EIF1AY: variants seen among roughly 807,000 people sequenced by gnomAD.
EIF1AY encodes the protein eukaryotic translation initiation factor 1A Y-linked.
For missense variants in EIF1AY, 19 were observed against 30.6 expected, an observed-to-expected ratio of 0.62 and a Z score of 0.89; for synonymous variants, 16 against 9.9, an observed-to-expected ratio of 1.62 and a Z score of -1.16.
At chrY:20,585,133 T>C in intron 4 of EIF1AY, among the ~76,000 whole-genome samples, 2 of 33,561 alleles carry the variant, frequency 6.0e-5, no homozygotes, top group Admixed American at 5.5e-4. Context: ...GGAGACTCAT[T>C]TACCTAATAT....
At chrY:20,591,890 G>A in intron 6 of EIF1AY, among the ~76,000 whole-genome samples, 1 of 33,646 alleles carries the variant, frequency 3.0e-5, no homozygotes, top group African/African-American at 1.2e-4. Context: ...GGGAAGGAAT[G>A]TAAAGACAAT....
chrY:20,576,508 A>G (rs1056432437), intron 1 of EIF1AY, among the ~76,000 whole-genome samples: 1 of 33,909 alleles, frequency 2.9e-5, no homozygotes, highest in Admixed American at 2.6e-4. Flanking sequence ...AGACTTGAAA[A>G]TAAGTTTACT....
chrY:20,592,266 G>A, intron 6 of EIF1AY, 75 bp from the exon 7 acceptor site: 1 of 214,917 alleles, frequency 4.7e-6, no homozygotes, highest in Non-Finnish European at 7.4e-6. Context: ...GTTTACCACT[G>A]GGAGTCTTTA....
intron 1 of EIF1AY, among the ~76,000 whole-genome samples, chrY:20,577,099 T>C: frequency 3.0e-5 from 1 of 33,457 alleles, no homozygotes; most frequent in African/African-American, 1.2e-4. Context: ...AGTGATGAGA[T>C]TCCCAGTTCT....
chrY:20,577,340 TAGAA>T (rs2089347387), intron 1 of EIF1AY, among the ~76,000 whole-genome samples: 3 of 33,382 alleles, frequency 9.0e-5, no homozygotes, highest in Non-Finnish European at 2.2e-4. Context: ...TTTTTGATCT[TAGAA>T]AGGAAACGAG....
intron 1 of EIF1AY, 142 bp from the exon 2 acceptor site, chrY:20,579,466 T>G: frequency 7.9e-6 from 1 of 126,311 alleles, no homozygotes; most frequent in Non-Finnish European, 1.5e-5. Context: ...ATTTATTATG[T>G]GTTTAAATGA....
intron 2 of EIF1AY, among the ~76,000 whole-genome samples, chrY:20,580,857 C>G (rs747412071): frequency 6.5e-4 from 22 of 33,945 alleles, no homozygotes; most frequent in African/African-American, 2.5e-3. Context: ...TAGGTAACCA[C>G]TAACCGCATG....
At position 20,592,898 on chromosome Y, in the gene EIF1AY, G is replaced by A. The variant is rs1315306923; in HGVS notation, c.*552G>A. The A allele has an allele frequency of 3.0e-5, 1 of 33,014 alleles. No individual in the cohort carries two copies. The highest frequency in any genetic ancestry group is 7.4e-5 in the Non-Finnish European group (1 of 13,465). The allele number at this position is 33,014 out of a possible 400,897, so 8.2% of individuals were successfully genotyped here. A position where few individuals can be genotyped will look rare whatever the true frequency, so the allele number is the denominator to read the frequency against. On this transcript the variant is annotated 3_prime_UTR_variant, in exon 7 of 7. Coordinates refer to ENST00000361365, the MANE Select transcript of EIF1AY (RefSeq NM_004681.4). ...AAATCCTTTTCATCCTTTGTGCCTC[G>A]GTTATTAAGGAAAAAAAAATGTCCA... is the stretch of plus-strand genomic sequence containing the variant.
At chrY:20,589,336 A>AT in intron 5 of EIF1AY, 148 bp from the exon 6 acceptor site, 1 of 136,905 alleles carries the variant, frequency 7.3e-6, no homozygotes, top group South Asian at 5.3e-5. Flanking sequence ...TTAATTTTTT[A>AT]TTTTTTTATT....
chrY:20,584,360 A>T, intron 3 of EIF1AY, 114 bp from the exon 4 acceptor site: 2 of 107,614 alleles, frequency 1.9e-5, no homozygotes, highest in Admixed American at 1.6e-4. Flanking sequence ...CATCTAATTA[A>T]TTTTTTTTTT....
chrY:20,588,029 C>A lies in EIF1AY; in HGVS notation c.261C>A (p.Asn87Lys). Reference sequence around the variant, plus strand: ...GTTATTTGTTTATTTCTAAGGATAACAAAGCTGATGTAATTTTAAAGTACA... The same window carrying A: ...GTTATTTGTTTATTTCTAAGGATAAAAAAGCTGATGTAATTTTAAAGTACA... The part of the protein sequence containing the change: ...ILVGLRDYQD[N>K]KADVILKYNA... Residue 87 changes from asparagine (N) to lysine (K), a missense_variant, in exon 5 of 7, where the codon AAC becomes AAA. By Grantham distance (94) the Asn-to-Lys change is moderately conservative (BLOSUM62 0). Transcript: ENST00000361365. The A allele has an allele frequency of 2.6e-6, 1 of 382,693 alleles. No homozygotes were observed. Among genetic ancestry groups the A allele is most frequent in the South Asian group, 3.1e-5 (1 of 32,628 alleles).
chrY:20,579,579 AT>A, intron 1 of EIF1AY, 28 bp from the exon 2 acceptor site: 3 of 293,488 alleles, frequency 1.0e-5, no homozygotes, highest in Non-Finnish European at 1.5e-5. Context: ...TTTTACATTA[AT>A]TTTTTATCTA....
At position 20,580,473 on chromosome Y, in the gene EIF1AY, CA is replaced by C. The variant is rs778317159; in HGVS notation, c.100+792del. On this transcript the variant is annotated intron_variant, in intron 2 of 6. Transcript: ENST00000361365. The stretch of plus-strand genomic sequence containing the variant: ...GATAAACGATGTACAGACTAACATA[CA>C]AAAAAAAAATAAAGTAAATTTATTG... Among the ~76,000 whole-genome samples, 7 of 29,022 alleles carry C rather than the reference CA, an allele frequency of 2.4e-4. No homozygotes were observed. In the East Asian group the frequency reaches 6.1e-3, roughly 25 times the overall value. The allele number at this position is 29,022 out of a possible 37,273, so 77.9% of individuals were successfully genotyped here. A position where few individuals can be genotyped will look rare whatever the true frequency, so the allele number is the denominator to read the frequency against.
intron 6 of EIF1AY, 116 bp downstream of exon 6, chrY:20,589,691 T>G: frequency 1.1e-5 from 2 of 179,819 alleles, no homozygotes; most frequent in Non-Finnish European, 9.4e-6. Flanking sequence ...CAGTAGGCAC[T>G]TCATAATCAA....
chrY:20,575,920 G>A, intron 1 of EIF1AY, 33 bp downstream of exon 1: 1 of 375,094 alleles, frequency 2.7e-6, no homozygotes, highest in Non-Finnish European at 3.7e-6. Flanking sequence ...CTATACCTCG[G>A]CTTGCTCTGC....
chrY:20,586,630 G>A (rs1020197955), intron 4 of EIF1AY: 1 of 33,251 alleles, frequency 3.0e-5, no homozygotes, highest in African/African-American at 1.2e-4. Flanking sequence ...GTGAATAAAC[G>A]CTCCTTAGTG....
At chrY:20,586,059 A>G in intron 4 of EIF1AY, among the ~76,000 whole-genome samples, 1 of 32,538 alleles carries the variant, frequency 3.1e-5, no homozygotes, top group African/African-American at 1.2e-4. Context: ...GTACATGTAG[A>G]GGAATACTTT....
At chrY:20,586,884 A>G (rs2089354780) in intron 4 of EIF1AY, 1 of 33,996 alleles carries the variant, frequency 2.9e-5, no homozygotes, top group East Asian at 7.7e-4. Flanking sequence ...TATGTCCATT[A>G]TATTATTCGA....
intron 4 of EIF1AY, chrY:20,586,901 A>C: frequency 2.9e-5 from 1 of 33,985 alleles, no homozygotes; most frequent in Non-Finnish European, 7.3e-5. Context: ...TCGAATTATC[A>C]TTTTAACAAA....
Sources: gnomAD v4.1 joint callset for allele counts (sites outside exome capture counted in the v4.1 genomes callset) on GRCh38, gnomAD v4.1.1 for gene constraint, MANE v1.5 for transcripts, NCBI Gene and HGNC (gene_info 2026-07-23, HGNC 2026-07-21) for gene names.